OPHN1: variants seen among roughly 807,000 people sequenced by gnomAD.
OPHN1 encodes the protein oligophrenin 1, also known as oligophrenin-1.
A neutral mutation model predicts 60.7 loss-of-function variants in OPHN1; 11 were observed. The observed-to-expected ratio is 0.18, with a 90% CI of 0.11 to 0.30. The LOEUF is 0.30. OPHN1 is among the 10% of genes least tolerant of loss of function. The probability of loss-of-function intolerance (pLI) is 1.00; values close to 1 mark genes in which losing one functional copy is unlikely to be tolerated. For synonymous variants in OPHN1, 226 were observed against 222.6 expected (o/e 1.02, Z -0.14); for missense variants, 449 against 611.0 (o/e 0.73, Z 2.80).
chrX:68,361,439 C>T (rs1358362781), intron 2 of OPHN1, among the ~76,000 whole-genome samples: 2 of 105,895 alleles, frequency 1.9e-5, no homozygotes, highest in Non-Finnish European at 3.9e-5. Flanking sequence ...GAGATTGTAC[C>T]ACTGCACTCT....
chrX:68,404,833 C>T, intron 2 of OPHN1, among the ~76,000 whole-genome samples: 1 of 111,515 alleles, frequency 9.0e-6, no homozygotes, highest in East Asian at 2.8e-4. Context: ...AAGACAAATA[C>T]TGTATGATTC....
intron 6 of OPHN1, among the ~76,000 whole-genome samples, chrX:68,216,343 A>G (rs2077608732): frequency 9.0e-6 from 1 of 111,665 alleles, no homozygotes; most frequent in Non-Finnish European, 1.9e-5. Context: ...AACAAAAACA[A>G]TAAGTAGAAG....
At chrX:68,336,959 G>T (rs1231551531) in intron 2 of OPHN1, among the ~76,000 whole-genome samples, 5 of 110,461 alleles carry the variant, frequency 4.5e-5, no homozygotes, top group Non-Finnish European at 7.6e-5. Flanking sequence ...TACTCGGGAG[G>T]CTGATGCAGG....
intron 6 of OPHN1, among the ~76,000 whole-genome samples, chrX:68,220,624 A>C (rs1299644168): frequency 9.9e-5 from 9 of 90,824 alleles, no homozygotes; most frequent in South Asian, 1.3e-3. Context: ...AGGCTGGTTC[A>C]ATATATGCAA....
At chrX:68,126,475 C>T (rs1181369484) in intron 15 of OPHN1, among the ~76,000 whole-genome samples, 2 of 110,237 alleles carry the variant, frequency 1.8e-5, no homozygotes, top group East Asian at 5.7e-4. Context: ...GACAGAGTCT[C>T]ACTCTGTTGC....
At chrX:68,125,802 G>C (rs1335984473) in intron 15 of OPHN1, among the ~76,000 whole-genome samples, 2 of 104,027 alleles carry the variant, frequency 1.9e-5, no homozygotes, top group Non-Finnish European at 3.9e-5. Flanking sequence ...AAAAAATAGA[G>C]GGGGGAGGGA....
intron 24 of OPHN1, 116 bp downstream of exon 24, chrX:68,048,300 A>G: frequency 1.6e-6 from 1 of 623,475 alleles, no homozygotes. Flanking sequence ...ACTGAGGCGT[A>G]GAAGTGAGTT....
At chrX:68,155,006 G>A (rs1240318398) in intron 15 of OPHN1, among the ~76,000 whole-genome samples, 1 of 109,979 alleles carries the variant, frequency 9.1e-6, no homozygotes, top group African/African-American at 3.3e-5. Flanking sequence ...AAGCATGCTA[G>A]AGGGTGCAAA....
At chrX:68,117,327 G>A (rs1165239727) in intron 16 of OPHN1, among the ~76,000 whole-genome samples, 1 of 111,402 alleles carries the variant, frequency 9.0e-6, no homozygotes, top group Non-Finnish European at 1.9e-5. Flanking sequence ...AACCAAAATG[G>A]GTGACGTCTT....
chrX:68,083,078 T>TTTTC (rs1979668867), intron 19 of OPHN1, among the ~76,000 whole-genome samples: 1 of 77,468 alleles, frequency 1.3e-5, no homozygotes, highest in Non-Finnish European at 2.5e-5. Context: ...TTTTTTTTTT[T>TTTTC]TTTTTGAGAC....
At chrX:68,197,592 G>A (rs1284499737) in intron 11 of OPHN1, among the ~76,000 whole-genome samples, 1 of 110,695 alleles carries the variant, frequency 9.0e-6, no homozygotes, top group Non-Finnish European at 1.9e-5. Flanking sequence ...GGCTCTCACT[G>A]CCTTACTCTG....
intron 15 of OPHN1, among the ~76,000 whole-genome samples, chrX:68,167,119 T>C (rs1222861514): frequency 1.8e-5 from 2 of 111,756 alleles, no homozygotes; most frequent in Non-Finnish European, 3.8e-5. Flanking sequence ...AGAAAATATC[T>C]GCAAACTATG....
At chrX:68,359,216 AT>A (rs1451487476) in intron 2 of OPHN1, among the ~76,000 whole-genome samples, 1 of 111,546 alleles carries the variant, frequency 9.0e-6, no homozygotes, top group Non-Finnish European at 1.9e-5. Flanking sequence ...TATAGCTGTA[AT>A]TTTTAATATT....
intron 15 of OPHN1, among the ~76,000 whole-genome samples, chrX:68,171,742 TA>T (rs60388555): frequency 5.2e-5 from 5 of 95,944 alleles, no homozygotes; most frequent in Admixed American, 1.1e-4. Flanking sequence ...ATCTCAAAAA[TA>T]AAAAAAAAAG....
At chrX:68,290,259 C>T (rs965136416) in intron 3 of OPHN1, among the ~76,000 whole-genome samples, 1 of 110,933 alleles carries the variant, frequency 9.0e-6, no homozygotes, top group African/African-American at 3.3e-5. Flanking sequence ...CAGGAGTTCA[C>T]GACCAGTCTG....
In OPHN1 at chrX:68,143,994, G is replaced by A. The variant is rs186078689; in HGVS notation, c.1277-24662C>T. 8.1e-5 allele frequency among the ~76,000 whole-genome samples: 9 copies of A among 111,031 alleles called. No individual in the cohort carries two copies. The East Asian group carries it at 2.3e-3, about 28-fold the overall frequency. On this transcript the variant is annotated intron_variant, in intron 15 of 24. Coordinates refer to ENST00000355520, the MANE Select transcript of OPHN1 (RefSeq NM_002547.3). Reference sequence around the variant, plus strand: ...GAAAGACATTTCAGGACTTGTTCAGGAAGAGCTACAATTTTCTTTTCTTTT... The same window carrying A: ...GAAAGACATTTCAGGACTTGTTCAGAAAGAGCTACAATTTTCTTTTCTTTT...
chrX:68,285,276 C>T (rs59635697), intron 3 of OPHN1, among the ~76,000 whole-genome samples: 2,410 of 110,990 alleles, frequency 0.022, 63 homozygotes, highest in African/African-American at 0.075. Flanking sequence ...CTTTAGTTTG[C>T]TCTTGTTTTT....
At chrX:68,252,088 C>T (rs886182207) in intron 5 of OPHN1, among the ~76,000 whole-genome samples, 1 of 111,631 alleles carries the variant, frequency 9.0e-6, no homozygotes, top group Admixed American at 9.6e-5. Context: ...TGCACTTCTG[C>T]CACCATCCTG....
At chrX:68,072,590 T>A (rs1292654507) in intron 20 of OPHN1, among the ~76,000 whole-genome samples, 1 of 111,655 alleles carries the variant, frequency 9.0e-6, no homozygotes, top group Non-Finnish European at 1.9e-5. Flanking sequence ...CTATTTGGTT[T>A]GGCCTCATGG....
Sources: gnomAD v4.1 joint callset for allele counts (sites outside exome capture counted in the v4.1 genomes callset) on GRCh38, gnomAD v4.1.1 for gene constraint, MANE v1.5 for transcripts, NCBI Gene and HGNC (gene_info 2026-07-23, HGNC 2026-07-21) for gene names.